Variants in IGF2R observed in about 807,000 individuals in gnomAD.
IGF2R encodes the protein insulin like growth factor 2 receptor.
IGF2R carries 91 observed loss-of-function variants against 270.6 expected under a neutral mutation model. The ratio of observed to expected loss-of-function variants is 0.34; its 90% CI spans 0.28 to 0.40. IGF2R has a LOEUF of 0.40. Ranked by LOEUF, IGF2R falls within the 10% of genes least tolerant of loss-of-function variation. The pLI is 1.00. For synonymous variants in IGF2R, 1,316 were observed against 1,258.9 expected, an observed-to-expected ratio of 1.05 and a Z score of -0.96; for missense variants, 2,805 against 3,188.3, an observed-to-expected ratio of 0.88 and a Z score of 2.90.
Position 160,075,971 on chromosome 6 carries a change from T to G in IGF2R, c.5291T>G (p.Phe1764Cys). Residue 1764 changes from phenylalanine to cysteine, a missense_variant, in exon 36 of 48, where the codon TTT becomes TGT. Coordinates refer to ENST00000356956, the MANE Select transcript of IGF2R (RefSeq NM_000876.4). ...KHFNYTSLIA[F>C]HCKRGVSMGT... ...TTCAACTACACCTCGCTCATCGCGT[T>G]TCACTGTAAGAGAGGTGTGAGCATG... The G allele has an allele frequency of 6.2e-7, 1 of 1,614,226 alleles. No individual in the cohort carries two copies. Among genetic ancestry groups the G allele is most frequent in the Non-Finnish European group, 8.5e-7 (1 of 1,180,036 alleles).
At chr6:159,991,362 G>A (rs1301619831) in intron 2 of IGF2R, 39 bp downstream of exon 2, 1 of 1,589,600 alleles carries the variant, frequency 6.3e-7, no homozygotes, top group Non-Finnish European at 8.6e-7. Flanking sequence ...TTGGCAATAT[G>A]ATTCCCCAAT....
At position 160,040,558 on chromosome 6, in the gene IGF2R, A is replaced by G; in HGVS notation, c.1316-2A>G. ...TTAAATTTCTCCTCTTGAATTGTGC[A>G]GGTAACGATGGGAAAGGAACTCCTG... On this transcript the variant is annotated splice_acceptor_variant, in intron 10 of 47. Transcript: ENST00000356956. LOFTEE classifies it high-confidence loss of function. 6.2e-7 allele frequency: 1 copy of G among 1,613,718 alleles called. No individual in the cohort carries two copies. Among genetic ancestry groups the G allele is most frequent in the Non-Finnish European group, 8.5e-7 (1 of 1,179,696 alleles).
chr6:160,059,688 A>G (rs914736450), intron 22 of IGF2R, among the ~76,000 whole-genome samples: 2 of 152,212 alleles, frequency 1.3e-5, no homozygotes, highest in African/African-American at 4.8e-5. Context: ...CAGTACGGCC[A>G]TGGGACGCCC....
At chr6:159,990,510 G>C (rs1783960480) in intron 1 of IGF2R, among the ~76,000 whole-genome samples, 1 of 152,176 alleles carries the variant, frequency 6.6e-6, no homozygotes, top group South Asian at 2.1e-4. Flanking sequence ...TTAACTATGA[G>C]TCAATTAAAC....
chr6:160,093,759 CT>C, intron 44 of IGF2R: 1 of 753,330 alleles, frequency 1.3e-6, no homozygotes, highest in South Asian at 1.3e-5. Context: ...CTGCAGTTTG[CT>C]TTTCGACTAT....
intron 35 of IGF2R, 64 bp from the exon 36 acceptor site, chr6:160,075,783 A>C (rs1466358634): frequency 1.3e-6 from 2 of 1,545,508 alleles, no homozygotes; most frequent in East Asian, 4.5e-5. Flanking sequence ...ATCAATTCTT[A>C]ATTCCACTAA....
chr6:160,107,646 A>G lies in IGF2R; in HGVS notation c.*2562A>G, dbSNP rs958222988. ...TCCATGAATGACAGAGACATAGAAT[A>G]AGAACTGGGGTGCTAAAGATGGAAT... is the stretch of plus-strand genomic sequence containing the variant. On this transcript the variant is annotated 3_prime_UTR_variant, in exon 48 of 48. Transcript: ENST00000356956. The G allele has an allele frequency of 2.6e-5, 4 of 152,214 alleles. No homozygotes were observed. Among genetic ancestry groups the G allele is most frequent in the African/African-American group, 9.7e-5 (4 of 41,436 alleles). 9.4% of individuals were successfully genotyped at this position (152,214 alleles called of 1,614,324 possible).
chr6:160,105,201 G>T lies in IGF2R; in HGVS notation c.*117G>T, dbSNP rs1291464248. 1 of 900,638 alleles carries T rather than the reference G, an allele frequency of 1.1e-6. No homozygotes were observed. The highest frequency in any genetic ancestry group is 3.0e-5 in the Admixed American group (1 of 33,420). 55.8% of individuals were successfully genotyped at this position (900,638 alleles called of 1,614,324 possible). A position where few individuals can be genotyped will look rare whatever the true frequency, so the allele number is the denominator to read the frequency against. ...TTGCCTTTAACAGAAACTTTCAAAA[G>T]GGAAGAGTTTTTGTGATGGGGGAGA... is the stretch of plus-strand genomic sequence containing the variant. On this transcript the variant is annotated 3_prime_UTR_variant, in exon 48 of 48. Transcript: ENST00000356956.
chr6:160,067,197 C>T (rs756993352), intron 29 of IGF2R, among the ~76,000 whole-genome samples: 2 of 152,130 alleles, frequency 1.3e-5, no homozygotes, highest in East Asian at 1.9e-4. Context: ...CGGGTCATGT[C>T]GGGCTTATGT....
At chr6:160,001,341 T>G (rs1027810462) in intron 2 of IGF2R, among the ~76,000 whole-genome samples, 1 of 151,910 alleles carries the variant, frequency 6.6e-6, no homozygotes, top group African/African-American at 2.4e-5. Context: ...GATTTGTCAG[T>G]GTCTCCCATC....
intron 1 of IGF2R, among the ~76,000 whole-genome samples, chr6:159,986,071 G>A (rs889160127): frequency 1.3e-5 from 2 of 151,988 alleles, no homozygotes; most frequent in Admixed American, 6.5e-5. Context: ...TGGACAAGCC[G>A]CTTCTGTGGG....
intron 19 of IGF2R, among the ~76,000 whole-genome samples, chr6:160,052,897 TG>T (rs1449290244): frequency 1.3e-5 from 2 of 152,218 alleles, no homozygotes; most frequent in Non-Finnish European, 1.5e-5. Context: ...AAGCTGAAAC[TG>T]GATCCCTTCC....
intron 29 of IGF2R, 121 bp from the exon 30 acceptor site, chr6:160,068,128 G>A (rs1301455353): frequency 3.2e-6 from 3 of 929,352 alleles, no homozygotes; most frequent in Middle Eastern, 2.3e-4. Flanking sequence ...GAGAGAAGTC[G>A]AGTCTAAAGT....
intron 4 of IGF2R, among the ~76,000 whole-genome samples, chr6:160,013,133 C>T (rs554542980): frequency 6.6e-6 from 1 of 152,034 alleles, no homozygotes; most frequent in East Asian, 1.9e-4. Flanking sequence ...TCTGAGTGTA[C>T]CTCTTATGTC....
Position 160,064,498 on chromosome 6 carries a change from C to T in IGF2R, c.3984C>T (p.Ala1328=), listed in dbSNP as rs374303157. 19 of 1,614,154 alleles carry T rather than the reference C, an allele frequency of 1.2e-5. No homozygotes were observed. In the African/African-American group the frequency reaches 2.4e-4, roughly 20 times the overall value. The change falls in exon 28 of 48, where the codon GCC becomes GCT. Residue 1328 remains alanine, a synonymous_variant. Transcript: ENST00000356956. The stretch of plus-strand genomic sequence containing the variant: ...ATAAGGTTTATCAGCGCTCCACAGC[C>T]ATCTTCTTCTACTGTGACCGCGGCA... The part of the protein sequence containing the change: ...TCHKVYQRST[A]IFFYCDRGTQ...
intron 7 of IGF2R, among the ~76,000 whole-genome samples, chr6:160,030,962 C>T (rs1273006931): frequency 6.6e-6 from 1 of 152,112 alleles, no homozygotes; most frequent in Non-Finnish European, 1.5e-5. Context: ...CCACTTCAGC[C>T]TTCTGAGTAG....
At chr6:160,019,709 A>T (rs1777388271) in intron 4 of IGF2R, among the ~76,000 whole-genome samples, 1 of 152,126 alleles carries the variant, frequency 6.6e-6, no homozygotes, top group Non-Finnish European at 1.5e-5. Context: ...ATTTAAAAAA[A>T]AGTCTGACCA....
intron 39 of IGF2R, among the ~76,000 whole-genome samples, chr6:160,081,892 C>T (rs917228154): frequency 6.6e-6 from 1 of 152,126 alleles, no homozygotes; most frequent in African/African-American, 2.4e-5. Context: ...CTTAAGGTGC[C>T]CAGATTTCAT....
intron 39 of IGF2R, among the ~76,000 whole-genome samples, chr6:160,081,543 A>C (rs1778982389): frequency 6.6e-6 from 1 of 152,160 alleles, no homozygotes; most frequent in Non-Finnish European, 1.5e-5. Context: ...AGAGCAGAGA[A>C]CCGGTTTAAC....
Sources: allele counts gnomAD v4.1 joint callset (sites outside exome capture counted in the v4.1 genomes callset), GRCh38; gene constraint gnomAD v4.1.1; transcripts MANE v1.5; gene names NCBI Gene and HGNC (gene_info 2026-07-23, HGNC 2026-07-21).